Variants in KLHL40 observed in about 807,000 individuals in gnomAD.
KLHL40 encodes kelch-like protein 40.
A neutral mutation model predicts 49.7 loss-of-function variants in KLHL40; 44 were observed. The observed-to-expected ratio is 0.89, with a 90% CI of 0.70 to 1.14. The LOEUF (loss-of-function observed/expected upper bound fraction) is 1.14. KLHL40 is among the 50% of genes most tolerant of loss of function. The pLI, the probability that KLHL40 is intolerant of heterozygous loss-of-function variation, is 0.00. For synonymous variants in KLHL40, 409 were observed against 365.2 expected (o/e 1.12, Z -1.37); for missense variants, 892 against 850.3 (o/e 1.05, Z -0.61).
rs998202547 is a variant in KLHL40, at chr3:42,692,517, C to T, written c.*524C>T. ...TGTTCTGCTGTTGGGCTGCCAAGGT[C>T]GATGGTCTCTGCTCTCCATCTGGTG... On this transcript the variant is annotated 3_prime_UTR_variant, in exon 6 of 6. Coordinates refer to ENST00000287777, the MANE Select transcript of KLHL40 (RefSeq NM_152393.4). 8 of 668,108 alleles carry T rather than the reference C, an allele frequency of 1.2e-5. No homozygotes were observed. The highest frequency in any genetic ancestry group is 3.6e-5 in the African/African-American group (2 of 55,114). The allele number at this position is 668,108 out of a possible 1,614,324, so 41.4% of individuals were successfully genotyped here. A position where few individuals can be genotyped will look rare whatever the true frequency, so the allele number is the denominator to read the frequency against.
rs9872183 is a variant in KLHL40, at chr3:42,688,240, C to A, written c.1251C>A (p.Val417=). ...AAGCTCTCAACTCCATCTACGTGGTCGGTGGCAGAGAGATCAAGGACGGCG... is the reference window on the plus strand; with the variant it reads ...AAGCTCTCAACTCCATCTACGTGGTAGGTGGCAGAGAGATCAAGGACGGCG... ...LGEALNSIYV[V]GGREIKDGER... Residue 417 remains valine (V), a synonymous_variant, in exon 2 of 6, where the codon GTC becomes GTA. Transcript: ENST00000287777. The surrounding 1 kb of genome is among the most constrained non-coding windows in gnomAD (Gnocchi z 4.2). The A allele has an allele frequency of 1.9e-6, 3 of 1,613,946 alleles. No homozygotes were observed. The South Asian group carries it at 3.3e-5, about 18-fold the overall frequency.
At chr3:42,691,258 C>T (rs1270950514) in intron 5 of KLHL40, among the ~76,000 whole-genome samples, 1 of 152,144 alleles carries the variant, frequency 6.6e-6, no homozygotes, top group Non-Finnish European at 1.5e-5. Flanking sequence ...CAGATGGGAG[C>T]AGACCCAAGC....
At position 42,686,389 on chromosome 3, in the gene KLHL40, G is replaced by A; in HGVS notation, c.771G>A (p.Val257=). 1.2e-6 allele frequency: 2 copies of A among 1,613,508 alleles called. No individual in the cohort carries two copies. The highest frequency in any genetic ancestry group is 1.7e-6 in the Non-Finnish European group (2 of 1,179,988). ...QPELLRKVQM[V]KDAHEGRITT... ...AGTTGCTGCGCAAGGTGCAGATGGTGAAGGATGCACACGAGGGCCGCATCA... is the reference window on the plus strand; with the variant it reads ...AGTTGCTGCGCAAGGTGCAGATGGTAAAGGATGCACACGAGGGCCGCATCA... The change falls in exon 1 of 6, where the codon GTG becomes GTA. Residue 257 remains valine (V), a synonymous_variant. Transcript: ENST00000287777.
chr3:42,685,939 G>A lies in KLHL40; in HGVS notation c.321G>A (p.Ala107=), dbSNP rs140114698. 5.6e-6 allele frequency: 9 copies of A among 1,611,694 alleles called. No homozygotes were observed. The highest frequency in any genetic ancestry group is 1.1e-5 in the South Asian group (1 of 91,090). Residue 107 remains alanine (A), a synonymous_variant, in exon 1 of 6, where the codon GCG becomes GCA. Coordinates refer to ENST00000287777, the MANE Select transcript of KLHL40 (RefSeq NM_152393.4). The part of the protein sequence containing the change: ...DEASVQDLFA[A]AHRFQIPSIF... ...CGAGCGTGCAGGATTTGTTCGCCGCGGCACACCGCTTCCAGATCCCTTCCA... is the reference window on the plus strand; with the variant it reads ...CGAGCGTGCAGGATTTGTTCGCCGCAGCACACCGCTTCCAGATCCCTTCCA...
At chr3:42,691,598 G>A (rs1028795591) in intron 5 of KLHL40, among the ~76,000 whole-genome samples, 3 of 152,088 alleles carry the variant, frequency 2.0e-5, no homozygotes, top group Admixed American at 6.5e-5. Flanking sequence ...TGATGGGGTG[G>A]TGTGGGCAGT....
At position 42,688,601 on chromosome 3, in the gene KLHL40, C is replaced by G. The variant is rs1697311689; in HGVS notation, c.1314-9C>G. The G allele has an allele frequency of 6.2e-7, 1 of 1,609,130 alleles. No homozygotes were observed. On this transcript the variant is annotated splice_polypyrimidine_tract_variant and intron_variant, in intron 2 of 5. Coordinates refer to ENST00000287777, the MANE Select transcript of KLHL40 (RefSeq NM_152393.4). This position sits in a 1 kb window ranked among gnomAD's most constrained non-coding sequence, Gnocchi z 4.2. Reference sequence around the variant, plus strand: ...TGCCCTCCCCCACCCCCACTCCCGTCTCCTCCAGGTCATTCAAATGGGGTG... The same window carrying G: ...TGCCCTCCCCCACCCCCACTCCCGTGTCCTCCAGGTCATTCAAATGGGGTG...
Position 42,686,743 on chromosome 3 carries a change from G to T in KLHL40, c.1125G>T (p.Glu375Asp), listed in dbSNP as rs149944503. Residue 375 changes from glutamate (E) to aspartate (D), a missense_variant, in exon 1 of 6, where the codon GAG (glutamate) becomes GAT (aspartate). By Grantham distance (45) the Glu-to-Asp change is conservative (BLOSUM62 2). Transcript: ENST00000287777. Reference sequence around the variant, plus strand: ...TCTTCTACAACGAAGACAACAAAGAGGACCCCATGAGCGCATACTTCCTGC... The same window carrying T: ...TCTTCTACAACGAAGACAACAAAGATGACCCCATGAGCGCATACTTCCTGC... ...GGLFYNEDNKEDPMSAYFLQF... is the reference protein window; with the variant it reads ...GGLFYNEDNKDDPMSAYFLQF... The T allele has an allele frequency of 3.7e-6, 6 of 1,612,504 alleles. No homozygotes were observed. Among genetic ancestry groups the T allele is most frequent in the Non-Finnish European group, 5.1e-6 (6 of 1,179,676 alleles).
chr3:42,690,859 G>T lies in KLHL40; in HGVS notation c.1608G>T (p.Lys536Asn), dbSNP rs765250875. 1.2e-6 allele frequency: 2 copies of T among 1,603,342 alleles called. No homozygotes were observed. Among genetic ancestry groups the T allele is most frequent in the African/African-American group, 1.3e-5 (1 of 74,756 alleles). Residue 536 changes from lysine (K) to asparagine (N), a missense_variant and splice_region_variant, in exon 5 of 6, where the codon AAG becomes AAT. Physicochemically the swap from Lys to Asn is moderately conservative, Grantham distance 94. Coordinates refer to ENST00000287777, the MANE Select transcript of KLHL40 (RefSeq NM_152393.4). ...SAEVYSITDNKWAPFEAFPQE... is the reference protein window; with the variant it reads ...SAEVYSITDNNWAPFEAFPQE... ...GATGCACCTTCTCACACACCCCCAG[G>T]TGGGCACCCTTCGAGGCCTTCCCAC...
At chr3:42,691,250 G>C (rs1486651865) in intron 5 of KLHL40, among the ~76,000 whole-genome samples, 1 of 152,160 alleles carries the variant, frequency 6.6e-6, no homozygotes, top group Non-Finnish European at 1.5e-5. Context: ...CAGTGTTGCA[G>C]ATGGGAGCAG....
In KLHL40 at chr3:42,685,878, A is replaced by G; in HGVS notation, c.260A>G (p.His87Arg). ...CCGGACGTGGTGGCCCAGGTGCTGC[A>G]CTACCTGTACACATCAGAGATCGCG... is the stretch of plus-strand genomic sequence containing the variant. ...VSPDVVAQVL[H>R]YLYTSEIALD... The change falls in exon 1 of 6, where the codon CAC (histidine) becomes CGC (arginine). Residue 87 changes from histidine (H) to arginine (R), a missense_variant. Coordinates refer to ENST00000287777, the MANE Select transcript of KLHL40 (RefSeq NM_152393.4). The G allele has an allele frequency of 6.2e-7, 1 of 1,612,702 alleles. No homozygotes were observed. Among genetic ancestry groups the G allele is most frequent in the African/African-American group, 1.3e-5 (1 of 75,056 alleles).
At position 42,692,203 on chromosome 3, in the gene KLHL40, T is replaced by C. The variant is rs1697383379; in HGVS notation, c.*210T>C. On this transcript the variant is annotated 3_prime_UTR_variant, in exon 6 of 6. Coordinates refer to ENST00000287777, the MANE Select transcript of KLHL40 (RefSeq NM_152393.4). ...GGTGAGAAACTAGAGGCTTCTCCAG[T>C]GTTGCCATATCCCCCTAGGTTGTCT... 5.4e-6 allele frequency: 3 copies of C among 559,598 alleles called. No homozygotes were observed. The highest frequency in any genetic ancestry group is 9.6e-6 in the Non-Finnish European group (3 of 312,486). 34.7% of individuals were successfully genotyped at this position (559,598 alleles called of 1,614,324 possible).
Position 42,689,019 on chromosome 3 carries a change from C to T in KLHL40, c.1572C>T (p.Thr524=). 1.2e-6 allele frequency: 2 copies of T among 1,614,066 alleles called. No individual in the cohort carries two copies. The highest frequency in any genetic ancestry group is 1.7e-6 in the Non-Finnish European group (2 of 1,179,958). Residue 524 remains threonine, a synonymous_variant, in exon 4 of 6, where the codon ACC becomes ACT. Transcript: ENST00000287777. ...VAAGVTDTGL[T]SSAEVYSITD... is the part of the protein sequence containing the mutation. ...CTGGGGTCACCGACACAGGGCTGAC[C>T]AGTTCTGCCGAAGTGTACAGCATCA...
At chr3:42,690,057 G>A (rs1259006124) in intron 4 of KLHL40, among the ~76,000 whole-genome samples, 2 of 152,320 alleles carry the variant, frequency 1.3e-5, no homozygotes, top group East Asian at 3.9e-4. Context: ...TAGGGAAAGT[G>A]AGGGTCCAGT....
Position 42,686,722 on chromosome 3 carries a change from C to G in KLHL40, c.1104C>G (p.Phe368Leu). The change falls in exon 1 of 6, where the codon TTC becomes TTG. Residue 368 changes from phenylalanine (F) to leucine (L), a missense_variant. Coordinates refer to ENST00000287777, the MANE Select transcript of KLHL40 (RefSeq NM_152393.4). Reference protein sequence around the residue: ...ENQVFVAGGLFYNEDNKEDPM... With the variant: ...ENQVFVAGGLLYNEDNKEDPM... ...AGGTCTTCGTGGCTGGAGGCCTCTT[C>G]TACAACGAAGACAACAAAGAGGACC... The G allele has an allele frequency of 1.2e-6, 2 of 1,613,308 alleles. No individual in the cohort carries two copies. Among genetic ancestry groups the G allele is most frequent in the Non-Finnish European group, 1.7e-6 (2 of 1,179,974 alleles).
chr3:42,688,099 G>A lies in KLHL40; in HGVS notation c.1153-43G>A, dbSNP rs1697300444. On this transcript the variant is annotated intron_variant, in intron 1 of 5. Transcript: ENST00000287777. The surrounding 1 kb of genome is among the most constrained non-coding windows in gnomAD (Gnocchi z 4.2). Reference sequence around the variant, plus strand: ...GACTGAGTGGGGCTGGGCTGAGGCTGGGGGAGTGGGGGGCGGTAGCTGACT... The same window carrying A: ...GACTGAGTGGGGCTGGGCTGAGGCTAGGGGAGTGGGGGGCGGTAGCTGACT... 3.1e-6 allele frequency: 5 copies of A among 1,612,180 alleles called. No individual in the cohort carries two copies. Among genetic ancestry groups the A allele is most frequent in the Admixed American group, 3.3e-5 (2 of 59,970 alleles).
rs759833258 is a variant in KLHL40, at chr3:42,686,672, G to A, written c.1054G>A (p.Val352Ile). The change falls in exon 1 of 6, where the codon GTC becomes ATC. Residue 352 changes from valine to isoleucine, a missense_variant. Physicochemically the swap from Val to Ile is conservative, Grantham distance 29 (BLOSUM62 3). Transcript: ENST00000287777. The stretch of plus-strand genomic sequence containing the variant: ...CTCCAACCAGGTCCCCAAGAACCAC[G>A]TCAGCCTGGTTACCAAGGAGAACCA... ...SLSNQVPKNH[V>I]SLVTKENQVF... 5 of 1,613,894 alleles carry A rather than the reference G, an allele frequency of 3.1e-6. No individual in the cohort carries two copies. The highest frequency in any genetic ancestry group is 4.2e-6 in the Non-Finnish European group (5 of 1,180,018).
Position 42,686,237 on chromosome 3 carries a change from G to C in KLHL40, c.619G>C (p.Ala207Pro). The change falls in exon 1 of 6, where the codon GCC (alanine) becomes CCC (proline). Residue 207 changes from alanine (A) to proline (P), a missense_variant. Ala to Pro is a conservative substitution (Grantham distance 27). Coordinates refer to ENST00000287777, the MANE Select transcript of KLHL40 (RefSeq NM_152393.4). ...AVMRWAGSGD[A>P]EAQAERQRAL... ...GATGCGGTGGGCGGGTAGCGGCGAC[G>C]CCGAGGCGCAGGCTGAGCGCCAGCG... The C allele has an allele frequency of 6.4e-7, 1 of 1,553,436 alleles. No individual in the cohort carries two copies. Among genetic ancestry groups the C allele is most frequent in the Non-Finnish European group, 8.7e-7 (1 of 1,151,158 alleles).
Position 42,686,397 on chromosome 3 carries a change from C to G in KLHL40, c.779C>G (p.Ala260Gly). 6.2e-7 allele frequency: 1 copy of G among 1,613,510 alleles called. No homozygotes were observed. The highest frequency in any genetic ancestry group is 8.5e-7 in the Non-Finnish European group (1 of 1,179,972). Reference protein sequence around the residue: ...LLRKVQMVKDAHEGRITTLRK... With the variant: ...LLRKVQMVKDGHEGRITTLRK... Reference sequence around the variant, plus strand: ...CGCAAGGTGCAGATGGTGAAGGATGCACACGAGGGCCGCATCACCACGCTG... The same window carrying G: ...CGCAAGGTGCAGATGGTGAAGGATGGACACGAGGGCCGCATCACCACGCTG... Residue 260 changes from alanine to glycine, a missense_variant, in exon 1 of 6, where the codon GCA becomes GGA. Transcript: ENST00000287777.
Position 42,685,805 on chromosome 3 carries a change from C to T in KLHL40, c.187C>T (p.Leu63=), listed in dbSNP as rs995719770. 10 of 1,612,478 alleles carry T rather than the reference C, an allele frequency of 6.2e-6. No individual in the cohort carries two copies. Among genetic ancestry groups the T allele is most frequent in the Non-Finnish European group, 8.5e-6 (10 of 1,179,620 alleles). The change falls in exon 1 of 6, where the codon CTA becomes TTA. Residue 63 remains leucine, a synonymous_variant. Coordinates refer to ENST00000287777, the MANE Select transcript of KLHL40 (RefSeq NM_152393.4). The stretch of plus-strand genomic sequence containing the variant: ...CAGCCCCTACTTCCGGGCGCGCTTT[C>T]TAGCCGAGCCGGAGCGCGCGGGCGA... ...ACSPYFRARF[L]AEPERAGELH...
Sources: allele counts gnomAD v4.1 joint callset (sites outside exome capture counted in the v4.1 genomes callset), GRCh38; gene constraint gnomAD v4.1.1; non-coding constraint Gnocchi (gnomAD v3.1); transcripts MANE v1.5; gene names NCBI Gene and HGNC (gene_info 2026-07-23, HGNC 2026-07-21).